The following PDLIM3 variants were observed in gnomAD, a reference collection of about 807,000 sequenced individuals.
The protein encoded by PDLIM3 is PDZ and LIM domain protein 3.
PDLIM3 carries 36 observed loss-of-function variants against 37.3 expected under a neutral mutation model. The observed-to-expected ratio is 0.97, with a 90% confidence interval of 0.74 to 1.28. The LOEUF (loss-of-function observed/expected upper bound fraction) is 1.28, where lower values mean the gene tolerates loss of function less well. Among genes scored for constraint, PDLIM3 ranks in the 50% most tolerant of loss-of-function variants. The pLI, the probability that PDLIM3 is intolerant of heterozygous loss-of-function variation, is 0.00. For missense variants in PDLIM3, 454 were observed against 485.0 expected, an observed-to-expected ratio of 0.94 and a Z score of 0.60; for synonymous variants, 174 against 182.4, an observed-to-expected ratio of 0.95 and a Z score of 0.37.
Position 185,532,889 on chromosome 4 carries a change from C to T in PDLIM3, c.93+2453G>A, listed in dbSNP as rs146231525. Reference sequence around the variant, plus strand: ...CAGTAGTAGAAAAAATGGAAAGTGGCAGATGTTGAAGACAGCATCAATAAG... The same window carrying T: ...CAGTAGTAGAAAAAATGGAAAGTGGTAGATGTTGAAGACAGCATCAATAAG... On this transcript the variant is annotated intron_variant, in intron 1 of 7. Coordinates refer to ENST00000284767, the MANE Select transcript of PDLIM3 (RefSeq NM_014476.6). Among the ~76,000 whole-genome samples the T allele has an allele frequency of 9.0e-4, 137 of 152,228 alleles. 1 individual carries two copies. In the East Asian group the frequency reaches 0.022, roughly 25 times the overall value.
intron 1 of PDLIM3, among the ~76,000 whole-genome samples, chr4:185,533,949 A>G (rs2095749060): frequency 6.6e-6 from 1 of 152,316 alleles, no homozygotes; most frequent in East Asian, 1.9e-4. Context: ...TCCAGAAACT[A>G]AAACATTTCT....
At chr4:185,521,691 C>T (rs1309068100) in intron 3 of PDLIM3, among the ~76,000 whole-genome samples, 1 of 66,004 alleles carries the variant, frequency 1.5e-5, no homozygotes, top group African/African-American at 2.8e-5. Flanking sequence ...GCGCCTGGCC[C>T]CACTCAACTT....
chr4:185,516,083 T>G (rs1046381639), intron 3 of PDLIM3: 3 of 149,524 alleles, frequency 2.0e-5, no homozygotes, highest in African/African-American at 5.1e-5. Context: ...GTATTTTTAG[T>G]AGAGACAGGG....
Position 185,504,949 on chromosome 4 carries a change from A to G in PDLIM3, c.794-363T>C, listed in dbSNP as rs1159879754. Among the ~76,000 whole-genome samples, 7 of 152,180 alleles carry G rather than the reference A, an allele frequency of 4.6e-5. No homozygotes were observed. The highest frequency in any genetic ancestry group is 8.8e-5 in the Non-Finnish European group (6 of 68,030). The stretch of plus-strand genomic sequence containing the variant: ...AAAATGTTGTGCAAGCACTGCCAAT[A>G]TCCACCTCCAGAACTATTTCTTCAC... On this transcript the variant is annotated intron_variant, in intron 6 of 7. Transcript: ENST00000284767. The surrounding 1 kb of genome is among the most constrained non-coding windows in gnomAD (Gnocchi z 4.7).
At position 185,523,389 on chromosome 4, in the gene PDLIM3, G is replaced by A. The variant is rs1324560803; in HGVS notation, c.303C>T (p.Phe101=). The part of the protein sequence containing the change: ...QVSEDGKAHP[F]KINLESEPQD... ...GTGGTTCTGATTCTAAGTTGATTTT[G>A]AAAGGATGGGCTTTCCCATCTTCAG... Residue 101 remains phenylalanine, a synonymous_variant, in exon 3 of 8, where the codon TTC becomes TTT. Transcript: ENST00000284767. The A allele has an allele frequency of 1.2e-5, 19 of 1,611,264 alleles. No individual in the cohort carries two copies. Among genetic ancestry groups the A allele is most frequent in the Non-Finnish European group, 1.5e-5 (18 of 1,177,658 alleles).
intron 4 of PDLIM3, among the ~76,000 whole-genome samples, chr4:185,511,791 CAAAG>C (rs2095707005): frequency 6.6e-6 from 1 of 152,154 alleles, no homozygotes; most frequent in African/African-American, 2.4e-5. Flanking sequence ...TTCCAAAGCA[CAAAG>C]AAAGTTACTG....
rs1209361911 is a variant in PDLIM3 at position 185,501,673 on chromosome 4, A to T, written c.*621T>A. On this transcript the variant is annotated 3_prime_UTR_variant, in exon 8 of 8. Coordinates refer to ENST00000284767, the MANE Select transcript of PDLIM3 (RefSeq NM_014476.6). Reference sequence around the variant, plus strand: ...TTTATCTTAAAATATTTGTTAGTGTACATGTTAAAATATGATTGGGTTCTC... The same window carrying T: ...TTTATCTTAAAATATTTGTTAGTGTTCATGTTAAAATATGATTGGGTTCTC... The T allele has an allele frequency of 6.5e-6, 1 of 154,440 alleles. No homozygotes were observed. Among genetic ancestry groups the T allele is most frequent in the Non-Finnish European group, 1.4e-5 (1 of 69,484 alleles). 9.6% of individuals were successfully genotyped at this position (154,440 alleles called of 1,614,324 possible).
chr4:185,523,524 G>T (rs2095726435), intron 2 of PDLIM3, 78 bp from the exon 3 acceptor site: 1 of 915,338 alleles, frequency 1.1e-6, no homozygotes, highest in Non-Finnish European at 1.7e-6. Flanking sequence ...TTCCCATTAT[G>T]TTTGTGAAAA....
chr4:185,505,349 C>A (rs967975670), intron 6 of PDLIM3, among the ~76,000 whole-genome samples: 1 of 152,188 alleles, frequency 6.6e-6, no homozygotes, highest in African/African-American at 2.4e-5. Context: ...ACAGGCTGGG[C>A]GTGGTGGCTC....
chr4:185,503,326 A>G (rs1431077455), intron 7 of PDLIM3, among the ~76,000 whole-genome samples: 1 of 152,232 alleles, frequency 6.6e-6, no homozygotes, highest in Non-Finnish European at 1.5e-5. Context: ...TTCTACTGTG[A>G]ACAGTTTATT....
At chr4:185,519,784 C>A (rs1279913602) in intron 3 of PDLIM3, among the ~76,000 whole-genome samples, 1 of 152,096 alleles carries the variant, frequency 6.6e-6, no homozygotes, top group South Asian at 2.1e-4. Context: ...TATTTTATTC[C>A]AATGTCAAAG....
intron 6 of PDLIM3, among the ~76,000 whole-genome samples, chr4:185,505,616 T>A (rs2095695444): frequency 1.1e-5 from 1 of 92,410 alleles, no homozygotes; most frequent in Admixed American, 1.4e-4. Flanking sequence ...CAAGACTCCA[T>A]CTCAAAAAAG....
Position 185,535,403 on chromosome 4 carries a change from G to T in PDLIM3, c.32C>A (p.Ala11Glu). 6.2e-7 allele frequency: 1 copy of T among 1,605,688 alleles called. No individual in the cohort carries two copies. MPQTVILPGP[A>E]PWGFRLSGGI... is the part of the protein sequence containing the mutation. ...CCCTGAGAGCCTGAAGCCCCAGGGCGCAGGGCCCGGGAGGATCACCGTCTG... is the reference window on the plus strand; with the variant it reads ...CCCTGAGAGCCTGAAGCCCCAGGGCTCAGGGCCCGGGAGGATCACCGTCTG... The change falls in exon 1 of 8, where the codon GCG (alanine) becomes GAG (glutamate). Residue 11 changes from alanine to glutamate, a missense_variant. By Grantham distance (107) the Ala-to-Glu change is moderately radical (BLOSUM62 -1). Coordinates refer to ENST00000284767, the MANE Select transcript of PDLIM3 (RefSeq NM_014476.6).
intron 5 of PDLIM3, among the ~76,000 whole-genome samples, chr4:185,507,386 T>C (rs1561191736): frequency 6.6e-6 from 1 of 152,188 alleles, no homozygotes; most frequent in African/African-American, 2.4e-5. Context: ...CATAATACTA[T>C]ATGTTAAGCA....
At chr4:185,515,909 T>C (rs1197459329) in intron 3 of PDLIM3, 3 of 152,164 alleles carry the variant, frequency 2.0e-5, no homozygotes, top group Non-Finnish European at 4.4e-5. Context: ...TTAATATTTA[T>C]TTATTTATGA....
chr4:185,508,438 G>A lies in PDLIM3; in HGVS notation c.523C>T (p.Pro175Ser). ...ACACCAGGAAGTTCCATTTCCAAAG[G>A]AATGTTAGGGGCCAGCTTAGCCGCA... The part of the protein sequence containing the change: ...KVAAKLAPNI[P>S]LEMELPGVKI... The change falls in exon 5 of 8, where the codon CCT becomes TCT. Residue 175 changes from proline to serine, a missense_variant. Transcript: ENST00000284767. 2 of 1,614,166 alleles carry A rather than the reference G, an allele frequency of 1.2e-6. No homozygotes were observed. Among genetic ancestry groups the A allele is most frequent in the Non-Finnish European group, 1.7e-6 (2 of 1,180,028 alleles).
At chr4:185,517,653 T>A (rs1464134369) in intron 3 of PDLIM3, 1 of 151,934 alleles carries the variant, frequency 6.6e-6, no homozygotes, top group Non-Finnish European at 1.5e-5. Flanking sequence ...ACACATATAT[T>A]GCAAAGATCA....
chr4:185,515,353 G>A (rs1039387724), intron 3 of PDLIM3: 1 of 152,244 alleles, frequency 6.6e-6, no homozygotes, highest in Non-Finnish European at 1.5e-5. Context: ...AACAAAACAA[G>A]GAGAATGAGC....
In PDLIM3 at chr4:185,514,789, G is replaced by GT; in HGVS notation, c.331-453dup. On this transcript the variant is annotated intron_variant, in intron 3 of 7. Coordinates refer to ENST00000284767, the MANE Select transcript of PDLIM3 (RefSeq NM_014476.6). This position sits in a 1 kb window ranked among gnomAD's most constrained non-coding sequence, Gnocchi z 4.0. ...TAGTTGAATAGAGCCCAATTGGCGA[G>GT]TTATAGGAAGCGCTCACTACCTGTC... 1 of 1,551,880 alleles carries GT rather than the reference G, an allele frequency of 6.4e-7. No individual in the cohort carries two copies. Among genetic ancestry groups the GT allele is most frequent in the Non-Finnish European group, 8.7e-7 (1 of 1,147,012 alleles).
Sources: allele counts gnomAD v4.1 joint callset (sites outside exome capture counted in the v4.1 genomes callset), GRCh38; gene constraint gnomAD v4.1.1; non-coding constraint Gnocchi (gnomAD v3.1); transcripts MANE v1.5; gene names NCBI Gene and HGNC (gene_info 2026-07-23, HGNC 2026-07-21).